Variants in IL1RAPL1 observed in about 807,000 individuals in gnomAD.
IL1RAPL1 encodes the protein interleukin 1 receptor accessory protein like 1.
IL1RAPL1 carries 3 observed loss-of-function variants against 48.4 expected under a neutral mutation model. The ratio of observed to expected loss-of-function variants is 0.06; its 90% CI spans 0.03 to 0.16. IL1RAPL1 has a LOEUF of 0.16. Among genes scored for constraint, IL1RAPL1 ranks in the 10% least tolerant of loss-of-function variants. The pLI is 1.00. For missense variants in IL1RAPL1, 349 were observed against 530.6 expected, an observed-to-expected ratio of 0.66 and a Z score of 3.36; for synonymous variants, 185 against 187.7, an observed-to-expected ratio of 0.99 and a Z score of 0.12.
intron 6 of IL1RAPL1, among the ~76,000 whole-genome samples, chrX:29,701,439 G>A (rs1392757492): frequency 4.5e-5 from 5 of 111,890 alleles, no homozygotes; most frequent in African/African-American, 1.3e-4. Context: ...TTATTCAAGA[G>A]GATGTGAAAA....
chrX:29,869,523 A>G (rs1239607044), intron 6 of IL1RAPL1, among the ~76,000 whole-genome samples: 1 of 111,603 alleles, frequency 9.0e-6, no homozygotes, highest in Admixed American at 9.6e-5. Flanking sequence ...AACAAAAGCT[A>G]AGAGTCTCAT....
At chrX:29,106,499 G>A (rs10521949) in intron 2 of IL1RAPL1, among the ~76,000 whole-genome samples, 23,334 of 110,900 alleles carry the variant, frequency 0.21, 2,134 homozygotes, top group African/African-American at 0.35. Flanking sequence ...TTGAGATGGA[G>A]TGAGATAAGG....
chrX:29,204,803 C>T (rs1428526057), intron 2 of IL1RAPL1, among the ~76,000 whole-genome samples: 2 of 111,711 alleles, frequency 1.8e-5, no homozygotes, highest in Non-Finnish European at 3.8e-5. Flanking sequence ...TTTCTCTTCA[C>T]TTTGTTGATT....
intron 2 of IL1RAPL1, among the ~76,000 whole-genome samples, chrX:29,264,516 G>A (rs999046508): frequency 1.8e-5 from 2 of 110,962 alleles, no homozygotes; most frequent in Non-Finnish European, 3.8e-5. Context: ...GAAGTGACAA[G>A]AAAAGATTCA....
intron 2 of IL1RAPL1, among the ~76,000 whole-genome samples, chrX:29,252,883 A>G (rs1308548193): frequency 2.6e-4 from 29 of 111,408 alleles, no homozygotes; most frequent in Non-Finnish European, 1.9e-5. Context: ...AAGTAATTGT[A>G]TAAACTCTTA....
At chrX:28,878,005 C>T (rs923956377) in intron 2 of IL1RAPL1, among the ~76,000 whole-genome samples, 3 of 111,871 alleles carry the variant, frequency 2.7e-5, no homozygotes, top group Non-Finnish European at 3.8e-5. Flanking sequence ...AGTAATGAAG[C>T]CACATAATGC....
intron 2 of IL1RAPL1, among the ~76,000 whole-genome samples, chrX:28,855,917 A>G (rs768175001): frequency 8.9e-6 from 1 of 111,752 alleles, no homozygotes; most frequent in South Asian, 3.7e-4. Flanking sequence ...GGAAATTGCA[A>G]TATAGTCCAT....
intron 1 of IL1RAPL1, among the ~76,000 whole-genome samples, chrX:28,742,238 C>G (rs1010226222): frequency 9.0e-6 from 1 of 110,855 alleles, no homozygotes; most frequent in African/African-American, 3.3e-5. Context: ...CAGTAAAGGG[C>G]ACTGAAATCC....
At chrX:29,924,078 T>C (rs903335362) in intron 8 of IL1RAPL1, among the ~76,000 whole-genome samples, 1 of 111,927 alleles carries the variant, frequency 8.9e-6, no homozygotes, top group East Asian at 2.8e-4. Flanking sequence ...TTCTCTTCTA[T>C]AAAATGGGAA....
chrX:29,090,642 A>G (rs1319387101), intron 2 of IL1RAPL1, among the ~76,000 whole-genome samples: 1 of 112,257 alleles, frequency 8.9e-6, no homozygotes, highest in Non-Finnish European at 1.9e-5. Context: ...CTGCAGCATT[A>G]TAGAATTGGC....
At chrX:29,777,707 T>C (rs1447165894) in intron 6 of IL1RAPL1, among the ~76,000 whole-genome samples, 2 of 111,236 alleles carry the variant, frequency 1.8e-5, no homozygotes, top group Non-Finnish European at 3.8e-5. Context: ...ATTAGAATAA[T>C]GGTAAGAAGT....
chrX:28,914,695 A>G, intron 2 of IL1RAPL1, among the ~76,000 whole-genome samples: 1 of 112,205 alleles, frequency 8.9e-6, no homozygotes, highest in Non-Finnish European at 1.9e-5. Flanking sequence ...ACTGAGTATC[A>G]TTATTTAACT....
At chrX:29,706,329 C>G (rs748254860) in intron 6 of IL1RAPL1, among the ~76,000 whole-genome samples, 3 of 111,702 alleles carry the variant, frequency 2.7e-5, no homozygotes, top group Non-Finnish European at 3.8e-5. Context: ...TCCTAACAGT[C>G]CCCCAAAGTC....
chrX:28,766,645 AT>A (rs1014930668), intron 1 of IL1RAPL1, among the ~76,000 whole-genome samples: 1 of 110,083 alleles, frequency 9.1e-6, no homozygotes, highest in African/African-American at 3.3e-5. Context: ...CATTCTTTCT[AT>A]TTTTTTGTAC....
intron 2 of IL1RAPL1, among the ~76,000 whole-genome samples, chrX:29,108,968 A>G (rs1234783297): frequency 9.0e-6 from 1 of 110,835 alleles, no homozygotes; most frequent in Admixed American, 9.7e-5. Context: ...TTTTTTTTTC[A>G]TTCTTAGATC....
At chrX:28,892,198 A>C (rs74955874) in intron 2 of IL1RAPL1, among the ~76,000 whole-genome samples, 1 of 110,111 alleles carries the variant, frequency 9.1e-6, no homozygotes, top group Non-Finnish European at 1.9e-5. Context: ...GGGTGCAGGC[A>C]GGCCGAGTCC....
intron 2 of IL1RAPL1, among the ~76,000 whole-genome samples, chrX:29,061,269 A>G (rs1031070480): frequency 1.2e-4 from 14 of 112,023 alleles, no homozygotes; most frequent in Non-Finnish European, 7.5e-5. Context: ...GCTTTTACTA[A>G]TCAATTTGGA....
At chrX:29,162,475 A>G (rs1205794232) in intron 2 of IL1RAPL1, among the ~76,000 whole-genome samples, 1 of 110,803 alleles carries the variant, frequency 9.0e-6, no homozygotes, top group Non-Finnish European at 1.9e-5. Context: ...TGTTCATGCA[A>G]TCACACCAAT....
At chrX:28,749,653 C>T (rs973013058) in intron 1 of IL1RAPL1, among the ~76,000 whole-genome samples, 1 of 111,631 alleles carries the variant, frequency 9.0e-6, no homozygotes, top group African/African-American at 3.3e-5. Context: ...TGGATATTAA[C>T]TCCTTGCCAG....
Sources: gnomAD v4.1 joint callset for allele counts (sites outside exome capture counted in the v4.1 genomes callset) on GRCh38, gnomAD v4.1.1 for gene constraint, MANE v1.5 for transcripts, NCBI Gene and HGNC (gene_info 2026-07-23, HGNC 2026-07-21) for gene names.